Variants in IL12RB1 observed in about 807,000 individuals in gnomAD.
IL12RB1 encodes the protein interleukin 12 receptor subunit beta 1.
IL12RB1 carries 64 observed loss-of-function variants against 94.4 expected under a neutral mutation model. The observed-to-expected ratio is 0.68, with a 90% CI of 0.55 to 0.83. The LOEUF (loss-of-function observed/expected upper bound fraction) is 0.83. IL12RB1 is among the 40% of genes least tolerant of loss of function. The pLI is 0.00. For missense variants in IL12RB1, 814 were observed against 855.6 expected (o/e 0.95, Z 0.61); for synonymous variants, 362 against 355.5 (o/e 1.02, Z -0.21).
chr19:18,079,991 C>T (rs778508312), intron 4 of IL12RB1, among the ~76,000 whole-genome samples: 22 of 152,176 alleles, frequency 1.4e-4, no homozygotes, highest in Non-Finnish European at 2.4e-4. Flanking sequence ...AGCGTAATGT[C>T]CTCCAGCTTT....
chr19:18,081,557 C>T (rs1202815011), intron 3 of IL12RB1, among the ~76,000 whole-genome samples: 7 of 151,600 alleles, frequency 4.6e-5, no homozygotes, highest in Non-Finnish European at 5.9e-5. Context: ...CAGTGCCTCA[C>T]GCTTGTAATC....
intron 4 of IL12RB1, among the ~76,000 whole-genome samples, chr19:18,079,637 C>T (rs1249727567): frequency 2.0e-5 from 3 of 151,948 alleles, no homozygotes; most frequent in Non-Finnish European, 2.9e-5. Context: ...GGGATGGGCG[C>T]GGTGGCTCAC....
rs141543500 is a variant in IL12RB1, at chr19:18,094,319, C to T, written c.-229-3550G>A. On this transcript the variant is annotated intron_variant, in intron 1 of 4. Coordinates refer to the IL12RB1 transcript ENST00000594176. ...AATTTTTGTAGTTTTAGTAGAGACG[C>T]GGTTTCACCATGTTGCCCAGGCTGG... 4.2e-3 allele frequency among the ~76,000 whole-genome samples: 638 copies of T among 152,082 alleles called. 3 individuals are homozygous for T. The highest frequency in any genetic ancestry group is 0.014 in the African/African-American group (586 of 41,514).
chr19:18,088,096 T>C (rs758456891), upstream of IL12RB1, among the ~76,000 whole-genome samples: 11 of 151,612 alleles, frequency 7.3e-5, no homozygotes, highest in Non-Finnish European at 1.5e-4. Flanking sequence ...CTATAAAAAA[T>C]AAAGAATTAG....
rs767132891 is a variant in IL12RB1, at chr19:18,059,515, T to C, written c.*93A>G. 8 of 749,444 alleles carry C rather than the reference T, an allele frequency of 1.1e-5. No individual in the cohort carries two copies. The highest frequency in any genetic ancestry group is 2.0e-5 in the Non-Finnish European group (8 of 401,974). The allele number at this position is 749,444 out of a possible 1,614,324, so 46.4% of individuals were successfully genotyped here. On this transcript the variant is annotated 3_prime_UTR_variant, in exon 17 of 17. Coordinates refer to ENST00000593993, the MANE Select transcript of IL12RB1 (RefSeq NM_005535.3). ...GAGAGGAGGCAGGTGCACTGGAGCCTGGAGGAGCTCTGGGTTATTTGGGTC... is the reference window on the plus strand; with the variant it reads ...GAGAGGAGGCAGGTGCACTGGAGCCCGGAGGAGCTCTGGGTTATTTGGGTC...
At position 18,083,616 on chromosome 19, in the gene IL12RB1, C is replaced by T. The variant is rs535980017; in HGVS notation, c.65-125G>A. 5.1e-4 allele frequency: 406 copies of T among 798,824 alleles called. 4 individuals carry two copies. Among genetic ancestry groups the T allele is most frequent in the Middle Eastern group, 4.4e-3 (13 of 2,970 alleles). 49.5% of individuals were successfully genotyped at this position (798,824 alleles called of 1,614,324 possible). On this transcript the variant is annotated intron_variant, in intron 1 of 16. Transcript: ENST00000593993. ...CCACCCACCCACTTTCCCATCTATG[C>T]ACCCTCCTACCACCACCCATCCATC... is the stretch of plus-strand genomic sequence containing the variant.
chr19:18,084,403 AATCC>A (rs373555713), intron 1 of IL12RB1, among the ~76,000 whole-genome samples: 8,123 of 118,276 alleles, frequency 0.069, 699 homozygotes, highest in African/African-American at 0.23. Context: ...TCCATGTATT[AATCC>A]ATCCATCCAT....
At chr19:18,060,971 T>G in intron 15 of IL12RB1, 151 bp downstream of exon 15, 1 of 603,908 alleles carries the variant, frequency 1.7e-6, no homozygotes, top group South Asian at 2.1e-5. Context: ...GACCTCTGCC[T>G]GCCTGTCTTT....
chr19:18,066,454 G>T, intron 12 of IL12RB1, 88 bp downstream of exon 12: 1 of 952,638 alleles, frequency 1.0e-6, no homozygotes, highest in Non-Finnish European at 1.7e-6. Context: ...GAGAAGGACG[G>T]CAAGGTGCCC....
chr19:18,063,073 C>CTATTTTTTTTTTT (rs1568486379), intron 13 of IL12RB1, among the ~76,000 whole-genome samples: 1 of 109,324 alleles, frequency 9.1e-6, no homozygotes, highest in Non-Finnish European at 1.8e-5. Flanking sequence ...CCTTCTTCTT[C>CTATTTTTTTTTTT]TTCTATTTTT....
intron 13 of IL12RB1, among the ~76,000 whole-genome samples, chr19:18,062,955 C>G (rs1468392775): frequency 6.6e-6 from 1 of 151,382 alleles, no homozygotes; most frequent in Non-Finnish European, 1.5e-5. Context: ...ATCTCTGAAT[C>G]TCTTATAACC....
rs147766868 is a variant in IL12RB1, at chr19:18,072,171, G to C, written c.962C>G (p.Ser321Trp). 5 of 1,614,054 alleles carry C rather than the reference G, an allele frequency of 3.1e-6. No homozygotes were observed. Among genetic ancestry groups the C allele is most frequent in the Non-Finnish European group, 4.2e-6 (5 of 1,180,028 alleles). ...GTTCAGGCCAGGACCAAATTGGTTC[G>C]AGGAGATGACAGCCACGTTGTAGGC... Reference protein sequence around the residue: ...GAAYNVAVISSNQFGPGLNQT... With the variant: ...GAAYNVAVISWNQFGPGLNQT... The change falls in exon 9 of 17, where the codon TCG becomes TGG. Residue 321 changes from serine to tryptophan, a missense_variant. Transcript: ENST00000593993.
intron 8 of IL12RB1, 112 bp from the exon 9 acceptor site, chr19:18,072,461 T>A: frequency 2.7e-6 from 2 of 744,494 alleles, no homozygotes; most frequent in Non-Finnish European, 4.9e-6. Flanking sequence ...CCACAGCCAA[T>A]AACATGCATC....
intron 4 of IL12RB1, among the ~76,000 whole-genome samples, chr19:18,078,846 T>A (rs2035672029): frequency 6.6e-6 from 1 of 152,084 alleles, no homozygotes; most frequent in African/African-American, 2.4e-5. Context: ...TGTATAAATT[T>A]AAGAGGTATG....
chr19:18,072,964 AAGG>A (rs1373435340), intron 8 of IL12RB1, among the ~76,000 whole-genome samples: 1 of 111,776 alleles, frequency 8.9e-6, no homozygotes, highest in African/African-American at 2.7e-5. Context: ...AAAAAAAAAA[AAGG>A]AAAAAAAAGA....
intron 11 of IL12RB1, 95 bp from the exon 12 acceptor site, chr19:18,066,792 C>T (rs2034616139): frequency 4.2e-6 from 4 of 941,288 alleles, no homozygotes; most frequent in South Asian, 4.1e-5. Context: ...TTTGGGAGGC[C>T]GAGGTGGGTA....
At position 18,076,132 on chromosome 19, in the gene IL12RB1, C is replaced by A. The variant is rs530689925; in HGVS notation, c.580+165G>T. ...CAAAGGCTTCTCACCCCCTCCAAGT[C>A]GTGATTTGTTTCCCCACCTGCAATT... On this transcript the variant is annotated intron_variant, in intron 6 of 16. Coordinates refer to ENST00000593993, the MANE Select transcript of IL12RB1 (RefSeq NM_005535.3). 5.3e-5 allele frequency among the ~76,000 whole-genome samples: 8 copies of A among 152,200 alleles called. No individual in the cohort carries two copies. The South Asian group carries it at 1.2e-3, about 24-fold the overall frequency.
In IL12RB1 at chr19:18,059,434, T is replaced by C; in HGVS notation, c.*174A>G. On this transcript the variant is annotated 3_prime_UTR_variant, in exon 17 of 17. Coordinates refer to ENST00000593993, the MANE Select transcript of IL12RB1 (RefSeq NM_005535.3). ...GCCCAGCAGGGTGCAGCAGCTTCCA[T>C]TTCATGGCAGCATCTAGGGTTCCCC... The C allele has an allele frequency of 3.0e-6, 2 of 659,764 alleles. No individual in the cohort carries two copies. Among genetic ancestry groups the C allele is most frequent in the Admixed American group, 4.4e-5 (2 of 45,344 alleles). 40.9% of individuals were successfully genotyped at this position (659,764 alleles called of 1,614,324 possible). A position where few individuals can be genotyped will look rare whatever the true frequency, so the allele number is the denominator to read the frequency against.
At chr19:18,066,512 C>T (rs1029372003) in intron 12 of IL12RB1, 30 bp downstream of exon 12, 10 of 1,561,406 alleles carry the variant, frequency 6.4e-6, no homozygotes, top group Admixed American at 3.3e-5. Flanking sequence ...TCCCTTCCTC[C>T]CCAAGCCAGG....
Sources: gnomAD v4.1 joint callset for allele counts (sites outside exome capture counted in the v4.1 genomes callset) on GRCh38, gnomAD v4.1.1 for gene constraint, MANE v1.5 for transcripts, NCBI Gene and HGNC (gene_info 2026-07-23, HGNC 2026-07-21) for gene names.